The following PPP1R13B variants were observed in gnomAD, a reference collection of about 807,000 sequenced individuals.
PPP1R13B encodes protein phosphatase 1 regulatory subunit 13B, also known as apoptosis-stimulating of p53 protein 1.
PPP1R13B carries 44 observed loss-of-function variants against 119.8 expected under a neutral mutation model. The ratio of observed to expected loss-of-function variants is 0.37; its 90% CI spans 0.29 to 0.47. The LOEUF is 0.47. Ranked by LOEUF, PPP1R13B falls within the 20% of genes least tolerant of loss-of-function variation. PPP1R13B has a pLI of 0.99. For missense variants in PPP1R13B, 1,227 were observed against 1,413.5 expected (o/e 0.87, Z 2.12); for synonymous variants, 542 against 561.5 (o/e 0.97, Z 0.49).
At chr14:103,773,454 A>C (rs1164089304) in intron 4 of PPP1R13B, among the ~76,000 whole-genome samples, 1 of 152,200 alleles carries the variant, frequency 6.6e-6, no homozygotes, top group Non-Finnish European at 1.5e-5. Context: ...CTCACAAGGG[A>C]GGATTAATCC....
At chr14:103,808,489 T>C (rs1488437355) in intron 1 of PPP1R13B, among the ~76,000 whole-genome samples, 1 of 152,194 alleles carries the variant, frequency 6.6e-6, no homozygotes, top group African/African-American at 2.4e-5. Context: ...TCATGATGTT[T>C]TAAGAAAGTT....
At chr14:103,840,555 G>A (rs1567164933) in intron 1 of PPP1R13B, among the ~76,000 whole-genome samples, 2 of 152,238 alleles carry the variant, frequency 1.3e-5, no homozygotes, top group Admixed American at 1.3e-4. Flanking sequence ...TTGGGAGGCC[G>A]AGGTGGGCAG....
chr14:103,739,740 A>G, intron 12 of PPP1R13B, 84 bp downstream of exon 12: 1 of 1,439,322 alleles, frequency 6.9e-7, no homozygotes. Context: ...CTCCCAGCAC[A>G]GCCTGACCAA....
intron 4 of PPP1R13B, among the ~76,000 whole-genome samples, chr14:103,764,977 C>T (rs1567106089): frequency 6.6e-6 from 1 of 152,148 alleles, no homozygotes; most frequent in African/African-American, 2.4e-5. Flanking sequence ...CGCCACCACG[C>T]CCGGCTAATC....
intron 1 of PPP1R13B, among the ~76,000 whole-genome samples, chr14:103,843,627 T>C (rs1461935482): frequency 6.6e-6 from 1 of 152,268 alleles, no homozygotes; most frequent in East Asian, 1.9e-4. Context: ...ACTATTTTCA[T>C]AAGGGAAAAT....
At chr14:103,769,116 C>T (rs1451113081) in intron 4 of PPP1R13B, among the ~76,000 whole-genome samples, 6 of 152,236 alleles carry the variant, frequency 3.9e-5, no homozygotes, top group Admixed American at 1.3e-4. Flanking sequence ...GATGGAGTCT[C>T]GCTCTGTCAC....
At chr14:103,793,208 A>G (rs1341672265) in intron 2 of PPP1R13B, among the ~76,000 whole-genome samples, 1 of 142,770 alleles carries the variant, frequency 7.0e-6, no homozygotes, top group Non-Finnish European at 1.5e-5. Context: ...TGAGGAAAGG[A>G]AAGAAAAGGA....
At chr14:103,771,050 GCTAA>G (rs1567110701) in intron 4 of PPP1R13B, among the ~76,000 whole-genome samples, 2 of 152,114 alleles carry the variant, frequency 1.3e-5, no homozygotes, top group South Asian at 2.1e-4. Flanking sequence ...TCAATGTAAG[GCTAA>G]CTATGAAATG....
At chr14:103,746,299 C>A in intron 9 of PPP1R13B, 74 bp downstream of exon 9, 1 of 199,798 alleles carries the variant, frequency 5.0e-6, no homozygotes, top group South Asian at 1.0e-4. Flanking sequence ...CCTGCCCCAC[C>A]CCCCGCCCCT....
rs147073992 is a variant in PPP1R13B, at chr14:103,838,865, T to C, written c.9+8434A>G. 4.2e-3 allele frequency among the ~76,000 whole-genome samples: 635 copies of C among 152,346 alleles called. 5 individuals carry two copies. The highest frequency in any genetic ancestry group is 0.015 in the African/African-American group (617 of 41,574). On this transcript the variant is annotated intron_variant, in intron 1 of 16. Coordinates refer to ENST00000202556, the MANE Select transcript of PPP1R13B (RefSeq NM_015316.3). ...AGGTCAGAGAGCCCACAAATGGCAA[T>C]GCCAGCATCCATATTTAAGCAGAAT...
At chr14:103,821,363 C>T (rs60014570) in intron 1 of PPP1R13B, among the ~76,000 whole-genome samples, 236 of 152,266 alleles carry the variant, frequency 1.5e-3, no homozygotes, top group African/African-American at 5.5e-3. Flanking sequence ...AGTCGGGAAG[C>T]CTCCCCGCAA....
intron 4 of PPP1R13B, among the ~76,000 whole-genome samples, chr14:103,778,263 C>CTT (rs34674155): frequency 0.026 from 2,543 of 99,472 alleles, 212 homozygotes; most frequent in African/African-American, 0.089. Flanking sequence ...CCACATCTGA[C>CTT]TTTTTTTTTT....
At chr14:103,835,262 A>T (rs1172895255) in intron 1 of PPP1R13B, among the ~76,000 whole-genome samples, 2 of 152,020 alleles carry the variant, frequency 1.3e-5, no homozygotes, top group Non-Finnish European at 2.9e-5. Context: ...AGCTGGGACC[A>T]CTGGTGTCAG....
chr14:103,820,365 C>A (rs1221257778), intron 1 of PPP1R13B, among the ~76,000 whole-genome samples: 1 of 152,168 alleles, frequency 6.6e-6, no homozygotes, highest in African/African-American at 2.4e-5. Flanking sequence ...TTCTACACTG[C>A]TGCAAAATCA....
In PPP1R13B at chr14:103,734,172, G is replaced by A. The variant is rs1567075065; in HGVS notation, c.*982C>T. ...CACAGCCAGCCCAGGCAGGGAGATC[G>A]GCAGAGAGGGGTGGCCCCTGACCCC... is the stretch of plus-strand genomic sequence containing the variant. On this transcript the variant is annotated 3_prime_UTR_variant, in exon 17 of 17. Coordinates refer to ENST00000202556, the MANE Select transcript of PPP1R13B (RefSeq NM_015316.3). The A allele has an allele frequency of 2.2e-5, 5 of 230,996 alleles. No homozygotes were observed. The highest frequency in any genetic ancestry group is 4.4e-5 in the African/African-American group (2 of 45,156). 14.3% of individuals were successfully genotyped at this position (230,996 alleles called of 1,614,324 possible).
At chr14:103,841,641 GTGTT>G (rs1035426781) in intron 1 of PPP1R13B, among the ~76,000 whole-genome samples, 2 of 152,074 alleles carry the variant, frequency 1.3e-5, no homozygotes, top group Non-Finnish European at 2.9e-5. Flanking sequence ...CCTGTCTTTG[GTGTT>G]TGTTTACTGA....
intron 1 of PPP1R13B, among the ~76,000 whole-genome samples, chr14:103,832,325 T>C (rs1001373027): frequency 6.6e-6 from 1 of 152,126 alleles, no homozygotes; most frequent in African/African-American, 2.4e-5. Context: ...CAACCTCAGG[T>C]TGTGCTTGAA....
upstream of PPP1R13B, chr14:103,848,464 C>T (rs2087126787): frequency 2.0e-6 from 2 of 985,344 alleles, no homozygotes; most frequent in African/African-American, 1.7e-5. Context: ...GGGGTAGGCA[C>T]CCGCTCGGGG....
intron 1 of PPP1R13B, among the ~76,000 whole-genome samples, chr14:103,815,567 C>T (rs369155901): frequency 5.1e-4 from 78 of 151,810 alleles, no homozygotes; most frequent in African/African-American, 1.9e-3. Context: ...ACCAGCCCAG[C>T]CAACATGGTG....
Sources: allele counts gnomAD v4.1 joint callset (sites outside exome capture counted in the v4.1 genomes callset), GRCh38; gene constraint gnomAD v4.1.1; transcripts MANE v1.5; gene names NCBI Gene and HGNC (gene_info 2026-07-23, HGNC 2026-07-21).